The following TRAF3IP2 variants were observed in gnomAD, a reference collection of about 807,000 sequenced individuals.
TRAF3IP2 encodes the protein E3 ubiquitin ligase TRAF3IP2.
A neutral mutation model predicts 57.9 loss-of-function variants in TRAF3IP2; 35 were observed. The ratio of observed to expected loss-of-function variants is 0.60; its 90% CI spans 0.46 to 0.80. The LOEUF (loss-of-function observed/expected upper bound fraction) is 0.80, where lower values mean the gene tolerates loss of function less well. Ranked by LOEUF, TRAF3IP2 falls within the 30% of genes least tolerant of loss-of-function variation. The pLI is 0.00. For synonymous variants in TRAF3IP2, 251 were observed against 268.9 expected, an observed-to-expected ratio of 0.93 and a Z score of 0.65; for missense variants, 556 against 706.4, an observed-to-expected ratio of 0.79 and a Z score of 2.41.
At chr6:111,587,981 G>C (rs535033793) in intron 2 of TRAF3IP2, among the ~76,000 whole-genome samples, 2 of 152,300 alleles carry the variant, frequency 1.3e-5, no homozygotes, top group Non-Finnish European at 2.9e-5. Context: ...CTGGGCCAAA[G>C]AGGAAGCACA....
chr6:111,566,647 G>C, intron 6 of TRAF3IP2, 87 bp from the exon 7 acceptor site: 4 of 1,130,904 alleles, frequency 3.5e-6, no homozygotes, highest in Non-Finnish European at 2.7e-6. Flanking sequence ...GGAGGGCCAG[G>C]CTCATTCTCC....
chr6:111,583,307 G>T (rs1213084662), intron 2 of TRAF3IP2, among the ~76,000 whole-genome samples: 2 of 152,190 alleles, frequency 1.3e-5, no homozygotes, highest in East Asian at 3.8e-4. Context: ...TAGGGCACAG[G>T]TCTCCTAGAC....
intron 1 of TRAF3IP2, among the ~76,000 whole-genome samples, chr6:111,592,900 A>G (rs1294848524): frequency 2.0e-5 from 3 of 152,238 alleles, no homozygotes; most frequent in Admixed American, 6.5e-5. Flanking sequence ...AGCCATGACC[A>G]TCTGGTTTGT....
intron 5 of TRAF3IP2, among the ~76,000 whole-genome samples, chr6:111,571,753 C>T (rs191263896): frequency 1.6e-3 from 241 of 151,854 alleles, no homozygotes; most frequent in African/African-American, 5.5e-3. Flanking sequence ...AGTGAAACCC[C>T]ATCTCTACTA....
chr6:111,584,480 C>G (rs1796267901), intron 2 of TRAF3IP2, among the ~76,000 whole-genome samples: 1 of 152,082 alleles, frequency 6.6e-6, no homozygotes, highest in South Asian at 2.1e-4. Context: ...ATCTGACCAG[C>G]TTTGTCTGGA....
At chr6:111,603,710 A>G (rs174402) in intron 1 of TRAF3IP2, among the ~76,000 whole-genome samples, 116,985 of 152,076 alleles carry the variant, frequency 0.77, 45,316 homozygotes, top group Admixed American at 0.83. Flanking sequence ...CCTTAATCCC[A>G]GGAGAAGCAG....
Position 111,591,946 on chromosome 6 carries a change from C to G in TRAF3IP2, c.141G>C (p.Leu47Phe), listed in dbSNP as rs1796538437. 6.2e-7 allele frequency: 1 copy of G among 1,614,200 alleles called. No homozygotes were observed. The highest frequency in any genetic ancestry group is 8.5e-7 in the Non-Finnish European group (1 of 1,180,046). ...AATTGTGAAGCATTGTGGGTGCAGA[C>G]AAGCTGTTGGGTGCCATGTTCCTTA... ...PNIRNMAPNS[L>F]SAPTMLHNSS... is the part of the protein sequence containing the mutation. Residue 47 changes from leucine (L) to phenylalanine (F), a missense_variant, in exon 2 of 9, where the codon TTG becomes TTC. Transcript: ENST00000368761. This position sits in a 1 kb window ranked among gnomAD's most constrained non-coding sequence, Gnocchi z 4.9.
At chr6:111,564,342 G>A (rs1249626572) in intron 7 of TRAF3IP2, among the ~76,000 whole-genome samples, 1 of 152,166 alleles carries the variant, frequency 6.6e-6, no homozygotes, top group Non-Finnish European at 1.5e-5. Flanking sequence ...AAAGGAAGGG[G>A]ATGGGGTGCA....
chr6:111,566,236 C>T (rs116540962), intron 7 of TRAF3IP2, among the ~76,000 whole-genome samples: 280 of 152,310 alleles, frequency 1.8e-3, no homozygotes, highest in African/African-American at 6.3e-3. Flanking sequence ...ATAGGAACAA[C>T]TGAGTCCCAG....
intron 2 of TRAF3IP2, among the ~76,000 whole-genome samples, chr6:111,585,475 G>A (rs1226276424): frequency 6.6e-6 from 1 of 152,182 alleles, no homozygotes; most frequent in Admixed American, 6.5e-5. Flanking sequence ...CGATGGCCAG[G>A]CACTTGGTGA....
intron 1 of TRAF3IP2, chr6:111,598,314 C>T (rs1796760589): frequency 6.1e-6 from 1 of 164,406 alleles, no homozygotes; most frequent in Admixed American, 5.8e-5. Context: ...GCCCTTTGAC[C>T]TAGTAATTTC....
At chr6:111,595,640 C>T (rs376610039) in intron 1 of TRAF3IP2, among the ~76,000 whole-genome samples, 46 of 152,132 alleles carry the variant, frequency 3.0e-4, no homozygotes, top group African/African-American at 5.1e-4. Context: ...CCAGCCTGGC[C>T]AACATGGTGA....
At chr6:111,595,644 A>G (rs988720369) in intron 1 of TRAF3IP2, among the ~76,000 whole-genome samples, 1 of 152,084 alleles carries the variant, frequency 6.6e-6, no homozygotes, top group East Asian at 1.9e-4. Flanking sequence ...CCTGGCCAAC[A>G]TGGTGAAACC....
intron 2 of TRAF3IP2, among the ~76,000 whole-genome samples, chr6:111,585,436 T>A (rs1796298030): frequency 1.3e-5 from 2 of 152,360 alleles, no homozygotes; most frequent in South Asian, 4.1e-4. Context: ...GATTTCTTTT[T>A]ATTCATTCAA....
intron 5 of TRAF3IP2, among the ~76,000 whole-genome samples, chr6:111,569,058 C>T (rs1795745315): frequency 6.6e-6 from 1 of 152,212 alleles, no homozygotes; most frequent in Admixed American, 6.5e-5. Flanking sequence ...CTATCACATA[C>T]ATAGAGTACA....
At chr6:111,600,174 ATTTTT>A (rs1235486373) in intron 1 of TRAF3IP2, 1 of 152,114 alleles carries the variant, frequency 6.6e-6, no homozygotes, top group Non-Finnish European at 1.5e-5. Flanking sequence ...CCATTTTGTT[ATTTTT>A]ACCGCAACGA....
intron 8 of TRAF3IP2, among the ~76,000 whole-genome samples, chr6:111,560,424 C>G (rs1795392873): frequency 6.6e-6 from 1 of 152,134 alleles, no homozygotes; most frequent in Non-Finnish European, 1.5e-5. Context: ...CGGATAGTGC[C>G]CTGTAGGCCA....
chr6:111,579,452 G>T (rs928285439), intron 3 of TRAF3IP2, among the ~76,000 whole-genome samples: 4 of 152,012 alleles, frequency 2.6e-5, no homozygotes, highest in Admixed American at 2.6e-4. Flanking sequence ...AAAATAATAG[G>T]CCAGGCACAG....
In TRAF3IP2 at chr6:111,575,732, T is replaced by C; in HGVS notation, c.1112A>G (p.Gln371Arg). The part of the protein sequence containing the change: ...CPAELRPQVP[Q>R]PPSPAAVPRP... ...AGGCACAGCAGCTGGGGACGGAGGC[T>C]GGGGAACCTGTGGTCTCAGCTCTGC... The change falls in exon 4 of 9, where the codon CAG (glutamine) becomes CGG (arginine). Residue 371 changes from glutamine to arginine, a missense_variant. Gln to Arg is a conservative substitution (Grantham distance 43, BLOSUM62 1). This residue lies in a region of TRAF3IP2 where 428 missense variants were observed against 498.7 expected (regional missense o/e 0.86). Coordinates refer to ENST00000368761, the MANE Select transcript of TRAF3IP2 (RefSeq NM_147686.4). 6.2e-7 allele frequency: 1 copy of C among 1,612,626 alleles called. No individual in the cohort carries two copies. Among genetic ancestry groups the C allele is most frequent in the Non-Finnish European group, 8.5e-7 (1 of 1,179,582 alleles).
Sources: gnomAD v4.1 joint callset for allele counts (sites outside exome capture counted in the v4.1 genomes callset) on GRCh38, gnomAD v4.1.1 for gene constraint, gnomAD v4.1.1 regional missense constraint, Gnocchi (gnomAD v3.1) non-coding constraint, MANE v1.5 for transcripts, NCBI Gene and HGNC (gene_info 2026-07-23, HGNC 2026-07-21) for gene names.